The following TRIB2 variants were observed in gnomAD, a reference collection of about 807,000 sequenced individuals.
TRIB2 encodes the protein tribbles pseudokinase 2.
A neutral mutation model predicts 26.8 loss-of-function variants in TRIB2; 2 were observed. The ratio of observed to expected loss-of-function variants is 0.07; its 90% CI spans 0.03 to 0.24. The LOEUF (loss-of-function observed/expected upper bound fraction) is 0.24, where lower values mean the gene tolerates loss of function less well. Ranked by LOEUF, TRIB2 falls within the 10% of genes least tolerant of loss-of-function variation. The pLI, the probability that TRIB2 is intolerant of heterozygous loss-of-function variation, is 1.00. For synonymous variants in TRIB2, 189 were observed against 187.3 expected, an observed-to-expected ratio of 1.01 and a Z score of -0.08; for missense variants, 306 against 449.0, an observed-to-expected ratio of 0.68 and a Z score of 2.88.
rs1182952707 is a variant in TRIB2 at position 12,742,146 on chromosome 2, T to G, written c.*1352T>G. The G allele has an allele frequency of 2.0e-5, 3 of 152,692 alleles. No individual in the cohort carries two copies. Among genetic ancestry groups the G allele is most frequent in the African/African-American group, 7.2e-5 (3 of 41,464 alleles). 9.5% of individuals were successfully genotyped at this position (152,692 alleles called of 1,614,324 possible). A position where few individuals can be genotyped will look rare whatever the true frequency, so the allele number is the denominator to read the frequency against. On this transcript the variant is annotated 3_prime_UTR_variant, in exon 3 of 3. Coordinates refer to ENST00000155926, the MANE Select transcript of TRIB2 (RefSeq NM_021643.4). ...TTTTACTTGGCTTTTCTAGATAGCT[T>G]TATTTGATTTCGAGTGGCAAAATGT...
Position 12,732,885 on chromosome 2 carries a change from C to CT in TRIB2, c.564-7440dup, listed in dbSNP as rs1661486788. ...CTTTTCACTTGACCCTTAAGCCTAT[C>CT]TGGACCGCCTGACTGGACGGCCTTC... On this transcript the variant is annotated intron_variant, in intron 2 of 2. Transcript: ENST00000155926. This position sits in a 1 kb window ranked among gnomAD's most constrained non-coding sequence, Gnocchi z 4.2. Among the ~76,000 whole-genome samples the CT allele has an allele frequency of 6.6e-6, 1 of 152,188 alleles. No homozygotes were observed. Among genetic ancestry groups the CT allele is most frequent in the Admixed American group, 6.5e-5 (1 of 15,280 alleles).
intron 1 of TRIB2, among the ~76,000 whole-genome samples, chr2:12,721,694 C>T (rs987093854): frequency 2.6e-5 from 4 of 152,158 alleles, no homozygotes; most frequent in African/African-American, 7.2e-5. Flanking sequence ...GCAGCTGTGC[C>T]GCTTTTCTGA....
intron 2 of TRIB2, chr2:12,724,834 T>C: frequency 1.9e-6 from 3 of 1,610,810 alleles, no homozygotes; most frequent in South Asian, 2.2e-5. Flanking sequence ...AATATTCTCA[T>C]TTAGAAGATG....
At chr2:12,734,929 C>CTAGA (rs1661537767) in intron 2 of TRIB2, among the ~76,000 whole-genome samples, 3 of 152,198 alleles carry the variant, frequency 2.0e-5, no homozygotes, top group Non-Finnish European at 4.4e-5. Flanking sequence ...CTGACATGTG[C>CTAGA]TAGAGCCCCA....
chr2:12,719,449 G>A (rs761549650), intron 1 of TRIB2, among the ~76,000 whole-genome samples: 3 of 152,012 alleles, frequency 2.0e-5, no homozygotes, highest in East Asian at 1.9e-4. Context: ...CACCCACCGG[G>A]CCCCAGACAA....
Position 12,740,586 on chromosome 2 carries a change from A to T in TRIB2, c.824A>T (p.Glu275Val), listed in dbSNP as rs1661691744. The T allele has an allele frequency of 9.9e-6, 16 of 1,614,040 alleles. No individual in the cohort carries two copies. Among genetic ancestry groups the T allele is most frequent in the Non-Finnish European group, 1.3e-5 (15 of 1,180,048 alleles). ...KIRRGQFNIP[E>V]TLSPKAKCLI... ...CGGCGTGGCCAGTTCAACATTCCAG[A>T]GACTCTGTCGCCCAAGGCCAAGTGC... The change falls in exon 3 of 3, where the codon GAG (glutamate) becomes GTG (valine). Residue 275 changes from glutamate to valine, a missense_variant. By Grantham distance (121) the Glu-to-Val change is moderately radical (BLOSUM62 -2). Coordinates refer to ENST00000155926, the MANE Select transcript of TRIB2 (RefSeq NM_021643.4). The surrounding 1 kb of genome is among the most constrained non-coding windows in gnomAD (Gnocchi z 5.8).
At position 12,735,393 on chromosome 2, in the gene TRIB2, C is replaced by T. The variant is rs562021020; in HGVS notation, c.564-4933C>T. ...TGTCCCCTGACACTGGGGAAGCACA[C>T]GTACAGCGCACCTTGATGGAGCCTA... On this transcript the variant is annotated intron_variant, in intron 2 of 2. Transcript: ENST00000155926. Among the ~76,000 whole-genome samples the T allele has an allele frequency of 5.0e-4, 76 of 152,220 alleles. 1 individual carries two copies. Among genetic ancestry groups the T allele is most frequent in the African/African-American group, 1.6e-3 (68 of 41,560 alleles).
chr2:12,717,617 GTT>G lies in TRIB2; in HGVS notation c.-689_-688del, dbSNP rs939747060. 6 of 396,072 alleles carry G rather than the reference GTT, an allele frequency of 1.5e-5. No homozygotes were observed. Among genetic ancestry groups the G allele is most frequent in the Non-Finnish European group, 2.7e-5 (6 of 225,060 alleles). The allele number at this position is 396,072 out of a possible 1,614,324, so 24.5% of individuals were successfully genotyped here. Reference sequence around the variant, plus strand: ...CTCCCTTGCAATTTTTCTTTTTTTTGTTTGTTTGTTTAATTTTTGGAGAGCTC... The same window carrying G: ...CTCCCTTGCAATTTTTCTTTTTTTTGTGTTTGTTTAATTTTTGGAGAGCTC... On this transcript the variant is annotated 5_prime_UTR_variant, in exon 1 of 3. It removes the in-frame stop codon of an upstream open reading frame in the 5' UTR. Coordinates refer to ENST00000155926, the MANE Select transcript of TRIB2 (RefSeq NM_021643.4). The surrounding 1 kb of genome is among the most constrained non-coding windows in gnomAD (Gnocchi z 4.8).
chr2:12,721,489 GA>G (rs906533351), intron 1 of TRIB2, among the ~76,000 whole-genome samples: 1 of 152,170 alleles, frequency 6.6e-6, no homozygotes, highest in African/African-American at 2.4e-5. Context: ...ATTACTCCTC[GA>G]AATTTTTGAG....
Position 12,740,719 on chromosome 2 carries a change from T to C in TRIB2, c.957T>C (p.Tyr319=). The C allele has an allele frequency of 1.2e-6, 2 of 1,614,154 alleles. No homozygotes were observed. The highest frequency in any genetic ancestry group is 1.7e-6 in the Non-Finnish European group (2 of 1,180,026). The change falls in exon 3 of 3, where the codon TAT becomes TAC. Residue 319 remains tyrosine (Y), a synonymous_variant. Coordinates refer to ENST00000155926, the MANE Select transcript of TRIB2 (RefSeq NM_021643.4). The surrounding 1 kb of genome is among the most constrained non-coding windows in gnomAD (Gnocchi z 5.8). The part of the protein sequence containing the change: ...STDFSVSNSA[Y]GAKEVSDQLV... Reference sequence around the variant, plus strand: ...ATTTTAGCGTCTCGAATTCAGCATATGGTGCTAAGGAAGTGTCTGACCAGC... The same window carrying C: ...ATTTTAGCGTCTCGAATTCAGCATACGGTGCTAAGGAAGTGTCTGACCAGC...
intron 2 of TRIB2, among the ~76,000 whole-genome samples, chr2:12,731,355 ACACACCCCT>A (rs1340278839): frequency 1.3e-5 from 2 of 152,134 alleles, no homozygotes; most frequent in Non-Finnish European, 2.9e-5. Flanking sequence ...GGCCTGAAAG[ACACACCCCT>A]CACCTCCAAC....
rs1666654769 is a variant in TRIB2 at position 12,718,691 on chromosome 2, T to C, written c.270+114T>C. ...TCGCGGGATAATTACCGTGGCCTTATTAAATGGGTTTATTTATTTATTTGC... is the reference window on the plus strand; with the variant it reads ...TCGCGGGATAATTACCGTGGCCTTACTAAATGGGTTTATTTATTTATTTGC... On this transcript the variant is annotated intron_variant, in intron 1 of 2. Transcript: ENST00000155926. The surrounding 1 kb of genome is among the most constrained non-coding windows in gnomAD (Gnocchi z 4.0). 2 of 1,339,252 alleles carry C rather than the reference T, an allele frequency of 1.5e-6. No individual in the cohort carries two copies. The highest frequency in any genetic ancestry group is 1.5e-5 in the African/African-American group (1 of 67,744). The allele number at this position is 1,339,252 out of a possible 1,614,324, so 83.0% of individuals were successfully genotyped here.
chr2:12,726,975 G>A (rs929218665), intron 2 of TRIB2, among the ~76,000 whole-genome samples: 3 of 152,118 alleles, frequency 2.0e-5, no homozygotes, highest in Non-Finnish European at 4.4e-5. Flanking sequence ...CCTTCAGTCC[G>A]GTCCCCCACT....
In TRIB2 at chr2:12,725,718, T is replaced by C. The variant is rs143999847; in HGVS notation, c.563+2166T>C. Reference sequence around the variant, plus strand: ...CAGTGTGAATGTGAAACCGAAACAATTGCCTGGAGTAAACATGTCAAAGCA... The same window carrying C: ...CAGTGTGAATGTGAAACCGAAACAACTGCCTGGAGTAAACATGTCAAAGCA... On this transcript the variant is annotated intron_variant, in intron 2 of 2. Transcript: ENST00000155926. 2.6e-3 allele frequency among the ~76,000 whole-genome samples: 396 copies of C among 152,318 alleles called. 2 individuals are homozygous for C. Among genetic ancestry groups the C allele is most frequent in the African/African-American group, 9.2e-3 (384 of 41,580 alleles).
intron 1 of TRIB2, among the ~76,000 whole-genome samples, chr2:12,721,949 T>A (rs1661230103): frequency 6.6e-6 from 1 of 152,204 alleles, no homozygotes; most frequent in South Asian, 2.1e-4. Flanking sequence ...GAACGGGCAT[T>A]GTCAGCTAAG....
chr2:12,719,663 T>C (rs1202730246), intron 1 of TRIB2, among the ~76,000 whole-genome samples: 1 of 149,670 alleles, frequency 6.7e-6, no homozygotes, highest in African/African-American at 2.5e-5. Context: ...GTGCTGCAAA[T>C]AACACATCGC....
chr2:12,736,008 T>TC lies in TRIB2; in HGVS notation c.564-4318_564-4317insC, dbSNP rs966395574. On this transcript the variant is annotated intron_variant, in intron 2 of 2. Transcript: ENST00000155926. ...GGAAAGGTGAAAGGTGAACTCCAGCTTGGGGGAAGGCCAGGGTTAGTGGAC... is the reference window on the plus strand; with the variant it reads ...GGAAAGGTGAAAGGTGAACTCCAGCTCTGGGGGAAGGCCAGGGTTAGTGGAC... Among the ~76,000 whole-genome samples, 38 of 152,204 alleles carry TC rather than the reference T, an allele frequency of 2.5e-4. 1 individual carries two copies. The highest frequency in any genetic ancestry group is 8.4e-4 in the African/African-American group (35 of 41,528).
In TRIB2 at chr2:12,717,786, A is replaced by G. The variant is rs1371364684; in HGVS notation, c.-522A>G. 2 of 316,210 alleles carry G rather than the reference A, an allele frequency of 6.3e-6. No homozygotes were observed. Among genetic ancestry groups the G allele is most frequent in the Non-Finnish European group, 1.1e-5 (2 of 175,512 alleles). The allele number at this position is 316,210 out of a possible 1,614,324, so 19.6% of individuals were successfully genotyped here. A position where few individuals can be genotyped will look rare whatever the true frequency, so the allele number is the denominator to read the frequency against. ...CGGATTCTGGCTGCCGTGCGTCGCC[A>G]GCCGGTAGACCCGTGCTTGTTTCCT... On this transcript the variant is annotated 5_prime_UTR_variant, in exon 1 of 3. Coordinates refer to ENST00000155926, the MANE Select transcript of TRIB2 (RefSeq NM_021643.4). This position sits in a 1 kb window ranked among gnomAD's most constrained non-coding sequence, Gnocchi z 4.8.
In TRIB2 at chr2:12,718,702, T is replaced by A; in HGVS notation, c.270+125T>A. 1 of 1,269,946 alleles carries A rather than the reference T, an allele frequency of 7.9e-7. No homozygotes were observed. The highest frequency in any genetic ancestry group is 1.6e-5 in the South Asian group (1 of 63,916). 78.7% of individuals were successfully genotyped at this position (1,269,946 alleles called of 1,614,324 possible). A position where few individuals can be genotyped will look rare whatever the true frequency, so the allele number is the denominator to read the frequency against. Reference sequence around the variant, plus strand: ...TTACCGTGGCCTTATTAAATGGGTTTATTTATTTATTTGCTCAGGTTCGGT... The same window carrying A: ...TTACCGTGGCCTTATTAAATGGGTTAATTTATTTATTTGCTCAGGTTCGGT... On this transcript the variant is annotated intron_variant, in intron 1 of 2. Transcript: ENST00000155926. This position sits in a 1 kb window ranked among gnomAD's most constrained non-coding sequence, Gnocchi z 4.0.
Sources: allele counts gnomAD v4.1 joint callset (sites outside exome capture counted in the v4.1 genomes callset), GRCh38; gene constraint gnomAD v4.1.1; non-coding constraint Gnocchi (gnomAD v3.1); transcripts MANE v1.5; gene names NCBI Gene and HGNC (gene_info 2026-07-23, HGNC 2026-07-21).